EPHA5: variants seen among roughly 807,000 people sequenced by gnomAD.
EPHA5 encodes EPH receptor A5.
EPHA5 carries 60 observed loss-of-function variants against 105.0 expected under a neutral mutation model. The ratio of observed to expected loss-of-function variants is 0.57; its 90% CI spans 0.46 to 0.71. The LOEUF (loss-of-function observed/expected upper bound fraction) is 0.71, where lower values mean the gene tolerates loss of function less well. Among genes scored for constraint, EPHA5 ranks in the 30% least tolerant of loss-of-function variants. The pLI is 0.00. For synonymous variants in EPHA5, 513 were observed against 449.1 expected (o/e 1.14, Z -1.80); for missense variants, 1,218 against 1,274.7 (o/e 0.96, Z 0.68).
intron 5 of EPHA5, among the ~76,000 whole-genome samples, chr4:65,487,083 C>A (rs111253759): frequency 6.6e-6 from 1 of 152,314 alleles, no homozygotes; most frequent in Non-Finnish European, 1.5e-5. Context: ...TGGGGCCTCA[C>A]AAGAAGCAGA....
intron 9 of EPHA5, 75 bp downstream of exon 9, chr4:65,367,282 A>G (rs1341030814): frequency 8.9e-6 from 11 of 1,229,270 alleles, no homozygotes; most frequent in Non-Finnish European, 1.2e-5. Flanking sequence ...TAAATCTTGT[A>G]GCCTGAAAAG....
At chr4:65,594,778 A>C (rs1480342722) in intron 3 of EPHA5, among the ~76,000 whole-genome samples, 1 of 152,170 alleles carries the variant, frequency 6.6e-6, no homozygotes, top group Non-Finnish European at 1.5e-5. Flanking sequence ...TTATACTTTC[A>C]ACGGGTGTAA....
At chr4:65,513,835 C>T (rs1456659861) in intron 3 of EPHA5, among the ~76,000 whole-genome samples, 3 of 152,066 alleles carry the variant, frequency 2.0e-5, no homozygotes, top group African/African-American at 7.2e-5. Context: ...TGTCCTAGGG[C>T]TTTTTAACGT....
At chr4:65,387,650 G>A (rs540632669) in intron 8 of EPHA5, among the ~76,000 whole-genome samples, 4 of 151,964 alleles carry the variant, frequency 2.6e-5, no homozygotes, top group South Asian at 2.1e-4. Flanking sequence ...CAGTATGTAC[G>A]TTTGGAACAG....
intron 8 of EPHA5, among the ~76,000 whole-genome samples, chr4:65,398,957 C>A (rs1218472771): frequency 6.6e-6 from 1 of 152,170 alleles, no homozygotes; most frequent in East Asian, 1.9e-4. Flanking sequence ...GAACTTCTGA[C>A]ACTGAGTGGT....
chr4:65,524,420 T>C (rs116837939), intron 3 of EPHA5, among the ~76,000 whole-genome samples: 397 of 151,934 alleles, frequency 2.6e-3, no homozygotes, highest in African/African-American at 9.0e-3. Context: ...ATGCTCTTCA[T>C]AGTCTGTACA....
intron 14 of EPHA5, among the ~76,000 whole-genome samples, chr4:65,341,610 T>C (rs1721730581): frequency 6.6e-6 from 1 of 150,692 alleles, no homozygotes; most frequent in South Asian, 2.1e-4. Flanking sequence ...TGTGTGTATA[T>C]GTATATATGT....
At chr4:65,532,766 T>C (rs1466319006) in intron 3 of EPHA5, among the ~76,000 whole-genome samples, 1 of 151,570 alleles carries the variant, frequency 6.6e-6, no homozygotes, top group Admixed American at 6.6e-5. Context: ...GTAACCTCTA[T>C]GCACTTGATT....
intron 2 of EPHA5, 119 bp from the exon 3 acceptor site, chr4:65,602,423 T>C: frequency 1.3e-6 from 1 of 742,876 alleles, no homozygotes; most frequent in Non-Finnish European, 2.0e-6. Flanking sequence ...ATCCTCAATA[T>C]GTGATATTTA....
At chr4:65,536,749 T>TA (rs770690309) in intron 3 of EPHA5, among the ~76,000 whole-genome samples, 3,575 of 138,934 alleles carry the variant, frequency 0.026, 57 homozygotes, top group African/African-American at 0.042. Context: ...ATCTAAAATA[T>TA]AAAAAAAAAA....
At chr4:65,609,087 G>A (rs6814349) in intron 2 of EPHA5, among the ~76,000 whole-genome samples, 33,612 of 151,920 alleles carry the variant, frequency 0.22, 4,807 homozygotes, top group Middle Eastern at 0.39. Context: ...CAATCCATTG[G>A]GCAACAGAAG....
chr4:65,659,668 A>G (rs1157463746), intron 1 of EPHA5, among the ~76,000 whole-genome samples: 1 of 152,134 alleles, frequency 6.6e-6, no homozygotes, highest in Non-Finnish European at 1.5e-5. Context: ...CAGTAAGTCA[A>G]TAATAAATGT....
At chr4:65,580,961 T>A (rs1171580746) in intron 3 of EPHA5, among the ~76,000 whole-genome samples, 1 of 151,834 alleles carries the variant, frequency 6.6e-6, no homozygotes, top group East Asian at 1.9e-4. Flanking sequence ...GTAGTGTAAT[T>A]CAGGTTTTCT....
chr4:65,605,674 A>T (rs748421815), intron 2 of EPHA5, among the ~76,000 whole-genome samples: 1 of 152,150 alleles, frequency 6.6e-6, no homozygotes, highest in Admixed American at 6.5e-5. Context: ...TGATCTATTG[A>T]GGCTAAGGTG....
At chr4:65,468,559 TTATATATTA>T (rs1728949736) in intron 5 of EPHA5, among the ~76,000 whole-genome samples, 1 of 58,002 alleles carries the variant, frequency 1.7e-5, no homozygotes, top group Non-Finnish European at 3.1e-5. Context: ...AATATATATA[TTATATATTA>T]TATATATATA....
chr4:65,335,570 G>A (rs1165929309), intron 15 of EPHA5, among the ~76,000 whole-genome samples: 1 of 151,994 alleles, frequency 6.6e-6, no homozygotes, highest in Non-Finnish European at 1.5e-5. Context: ...AAATGCATCA[G>A]TGCTTAATTG....
intron 11 of EPHA5, among the ~76,000 whole-genome samples, chr4:65,358,793 C>T (rs761234868): frequency 5.1e-4 from 77 of 151,594 alleles, no homozygotes; most frequent in South Asian, 1.0e-3. Context: ...GTATACCTCA[C>T]CTGAGACAGG....
chr4:65,514,249 G>A (rs908201448), intron 3 of EPHA5, among the ~76,000 whole-genome samples: 3 of 151,984 alleles, frequency 2.0e-5, no homozygotes, highest in African/African-American at 7.2e-5. Context: ...TTCTTTTCTT[G>A]CAATCTGATG....
chr4:65,443,615 C>T (rs1196449347), intron 5 of EPHA5, among the ~76,000 whole-genome samples: 1 of 151,984 alleles, frequency 6.6e-6, no homozygotes, highest in Non-Finnish European at 1.5e-5. Context: ...CTAGCAATGC[C>T]TAAAGAAGAC....
Sources: gnomAD v4.1 joint callset for allele counts (sites outside exome capture counted in the v4.1 genomes callset) on GRCh38, gnomAD v4.1.1 for gene constraint, MANE v1.5 for transcripts, NCBI Gene and HGNC (gene_info 2026-07-23, HGNC 2026-07-21) for gene names.